The following SYN2 variants were observed in gnomAD, a reference collection of about 807,000 sequenced individuals.
SYN2 encodes the protein synapsin-2.
In SYN2, 19 loss-of-function variants were observed where a neutral mutation model predicts 50.9. The ratio of observed to expected loss-of-function variants is 0.37; its 90% CI spans 0.26 to 0.55. The LOEUF (loss-of-function observed/expected upper bound fraction) is 0.55, where lower values mean the gene tolerates loss of function less well. Ranked by LOEUF, SYN2 falls within the 20% of genes least tolerant of loss-of-function variation. The pLI is 0.81. For synonymous variants in SYN2, 255 were observed against 224.9 expected, an observed-to-expected ratio of 1.13 and a Z score of -1.20; for missense variants, 587 against 576.4, an observed-to-expected ratio of 1.02 and a Z score of -0.19.
chr3:12,044,187 A>T (rs571887689), intron 1 of SYN2, among the ~76,000 whole-genome samples: 1,437 of 37,776 alleles, frequency 0.038, 19 homozygotes, highest in African/African-American at 0.15. Context: ...TCTCTCACAC[A>T]CACACACACA....
chr3:12,105,931 A>T (rs936300542), intron 1 of SYN2, among the ~76,000 whole-genome samples: 10 of 152,192 alleles, frequency 6.6e-5, no homozygotes, highest in Admixed American at 1.3e-4. Context: ...TTCTATTGCT[A>T]CATAACAACA....
At chr3:12,128,061 T>C (rs1696710782) in intron 1 of SYN2, among the ~76,000 whole-genome samples, 1 of 151,612 alleles carries the variant, frequency 6.6e-6, no homozygotes, top group South Asian at 2.1e-4. Flanking sequence ...TCCTCCCACC[T>C]CAGCTCCTAA....
rs546581674 is a variant in SYN2, at chr3:12,091,193, A to G, written c.378-49458A>G. ...TATTCCTTGGGCTCATTACAACTATATACTAAGAACAATCATTGTGTAAAA... is the reference window on the plus strand; with the variant it reads ...TATTCCTTGGGCTCATTACAACTATGTACTAAGAACAATCATTGTGTAAAA... On this transcript the variant is annotated intron_variant, in intron 1 of 12. Transcript: ENST00000621198. Among the ~76,000 whole-genome samples the G allele has an allele frequency of 7.9e-5, 12 of 152,292 alleles. No homozygotes were observed. The East Asian group carries it at 1.9e-3, about 24-fold the overall frequency.
intron 1 of SYN2, among the ~76,000 whole-genome samples, chr3:12,085,205 G>A (rs1695668534): frequency 6.6e-6 from 1 of 151,676 alleles, no homozygotes; most frequent in Admixed American, 6.6e-5. Flanking sequence ...GATATGCCAT[G>A]CAAAGGAGCA....
intron 1 of SYN2, among the ~76,000 whole-genome samples, chr3:12,027,363 A>T (rs185983356): frequency 5.3e-5 from 8 of 152,284 alleles, no homozygotes; most frequent in Admixed American, 3.9e-4. Flanking sequence ...TGTGAATTAC[A>T]TTAGGTTGGA....
chr3:12,031,905 G>A (rs2125142794), intron 1 of SYN2, among the ~76,000 whole-genome samples: 1 of 125,756 alleles, frequency 8.0e-6, no homozygotes, highest in East Asian at 2.5e-4. Context: ...TGTTATGTGT[G>A]AATTTGATCC....
intron 1 of SYN2, among the ~76,000 whole-genome samples, chr3:12,011,076 T>C (rs985185935): frequency 1.9e-4 from 29 of 152,300 alleles, no homozygotes; most frequent in Middle Eastern, 3.4e-3. Flanking sequence ...AAAACCAAGA[T>C]ACAACTCTGT....
chr3:12,098,266 T>C (rs1695986586), intron 1 of SYN2, among the ~76,000 whole-genome samples: 1 of 152,204 alleles, frequency 6.6e-6, no homozygotes, highest in Non-Finnish European at 1.5e-5. Context: ...CAGCAAAGAA[T>C]TCTGTTTCTA....
At chr3:12,055,386 A>G (rs1399469709) in intron 1 of SYN2, among the ~76,000 whole-genome samples, 1 of 152,176 alleles carries the variant, frequency 6.6e-6, no homozygotes. Flanking sequence ...TTTTATTTTA[A>G]ATATATTAGA....
intron 2 of SYN2, among the ~76,000 whole-genome samples, chr3:12,141,135 C>T (rs1697010137): frequency 6.6e-6 from 1 of 151,950 alleles, no homozygotes; most frequent in Non-Finnish European, 1.5e-5. Context: ...TGAGGCTATA[C>T]TTTAGAGGAA....
intron 5 of SYN2, among the ~76,000 whole-genome samples, chr3:12,156,138 C>CCCTTCA (rs761909768): frequency 7.2e-5 from 11 of 152,190 alleles, no homozygotes; most frequent in Non-Finnish European, 1.6e-4. Context: ...ATCGTGGAAT[C>CCCTTCA]CCTTCACCTG....
intron 1 of SYN2, among the ~76,000 whole-genome samples, chr3:12,126,773 A>T (rs1357093909): frequency 6.6e-6 from 1 of 152,212 alleles, no homozygotes; most frequent in African/African-American, 2.4e-5. Context: ...TTAATTCATA[A>T]GGTGTATAAA....
At chr3:12,051,407 A>G (rs372523395) in intron 1 of SYN2, among the ~76,000 whole-genome samples, 110,628 of 151,146 alleles carry the variant, frequency 0.73, 40,718 homozygotes, top group Admixed American at 0.8. Context: ...AGAGGCACAG[A>G]GCTACTGCTG....
intron 1 of SYN2, among the ~76,000 whole-genome samples, chr3:12,094,620 G>A (rs896982941): frequency 1.3e-5 from 2 of 152,208 alleles, no homozygotes; most frequent in East Asian, 3.9e-4. Flanking sequence ...GGGGGTGAGT[G>A]TAATACCTAC....
intron 1 of SYN2, among the ~76,000 whole-genome samples, chr3:12,113,767 G>A (rs550457211): frequency 1.3e-5 from 2 of 152,192 alleles, no homozygotes; most frequent in Middle Eastern, 3.4e-3. Context: ...TCATGTTGTA[G>A]TGTCAGTACT....
At chr3:12,063,070 G>A (rs1357006237) in intron 1 of SYN2, among the ~76,000 whole-genome samples, 1 of 151,846 alleles carries the variant, frequency 6.6e-6, no homozygotes, top group African/African-American at 2.4e-5. Flanking sequence ...GTTTGCCGGG[G>A]GGAAGGATGG....
intron 5 of SYN2, among the ~76,000 whole-genome samples, chr3:12,157,994 C>T (rs1489380461): frequency 6.6e-6 from 1 of 152,242 alleles, no homozygotes; most frequent in Non-Finnish European, 1.5e-5. Context: ...TGTTCTTCCT[C>T]TGTGCCTGGC....
intron 1 of SYN2, among the ~76,000 whole-genome samples, chr3:12,007,292 A>G (rs1301877787): frequency 1.3e-5 from 2 of 152,230 alleles, no homozygotes; most frequent in African/African-American, 4.8e-5. Flanking sequence ...TTGATTTATT[A>G]AAACTCATAA....
chr3:12,065,652 G>C (rs1695200784), intron 1 of SYN2, among the ~76,000 whole-genome samples: 1 of 152,016 alleles, frequency 6.6e-6, no homozygotes, highest in South Asian at 2.1e-4. Context: ...CTAAACATTG[G>C]GTACTCGTAG....
Sources: allele counts gnomAD v4.1 joint callset (sites outside exome capture counted in the v4.1 genomes callset), GRCh38; gene constraint gnomAD v4.1.1; transcripts MANE v1.5; gene names NCBI Gene and HGNC (gene_info 2026-07-23, HGNC 2026-07-21).